Variants in STK31 observed in about 807,000 individuals in gnomAD.
The protein encoded by STK31 is serine/threonine kinase 31.
Under a neutral mutation model 129.7 loss-of-function variants are expected in STK31, and 89 were observed. The ratio of observed to expected loss-of-function variants is 0.69; its 90% CI spans 0.58 to 0.82. The LOEUF (loss-of-function observed/expected upper bound fraction) is 0.82. Ranked by LOEUF, STK31 falls within the 40% of genes least tolerant of loss-of-function variation. The pLI is 0.00. For missense variants in STK31, 1,187 were observed against 1,176.4 expected (o/e 1.01, Z -0.13); for synonymous variants, 448 against 395.3 (o/e 1.13, Z -1.58).
At chr7:23,756,932 G>T (rs1789123065) in intron 10 of STK31, among the ~76,000 whole-genome samples, 1 of 152,170 alleles carries the variant, frequency 6.6e-6, no homozygotes, top group Non-Finnish European at 1.5e-5. Context: ...GTTCATCAGG[G>T]ATATTGGCCT....
chr7:23,815,011 G>GT (rs1793384018), intron 22 of STK31, 133 bp from the exon 23 acceptor site: 1 of 598,278 alleles, frequency 1.7e-6, no homozygotes, highest in Non-Finnish European at 2.8e-6. Flanking sequence ...CTTTTACCCT[G>GT]TAAGAGAGTT....
Position 23,790,937 on chromosome 7 carries a change from C to G in STK31, c.2751C>G (p.Leu917=), listed in dbSNP as rs921124128. Residue 917 remains leucine (L), a synonymous_variant, in exon 22 of 24, where the codon CTC becomes CTG. Coordinates refer to ENST00000355870, the MANE Select transcript of STK31 (RefSeq NM_031414.5). ...PGSDLYAYGC[L]LLWLSVQNQE... is the part of the protein sequence containing the mutation. ...CAGACTTATATGCTTATGGCTGCCTCTTATTATGGGTATGTTATTTTTTTG... is the reference window on the plus strand; with the variant it reads ...CAGACTTATATGCTTATGGCTGCCTGTTATTATGGGTATGTTATTTTTTTG... The G allele has an allele frequency of 1.9e-6, 3 of 1,567,444 alleles. No individual in the cohort carries two copies. The highest frequency in any genetic ancestry group is 2.7e-5 in the African/African-American group (2 of 72,772).
intron 4 of STK31, among the ~76,000 whole-genome samples, chr7:23,723,499 C>T (rs887630862): frequency 3.9e-5 from 6 of 152,142 alleles, no homozygotes; most frequent in Admixed American, 3.3e-4. Context: ...AGACATACTC[C>T]TTTTCTTCTA....
chr7:23,738,011 A>G (rs1401779685), intron 8 of STK31, among the ~76,000 whole-genome samples: 1 of 152,120 alleles, frequency 6.6e-6, no homozygotes, highest in Admixed American at 6.5e-5. Context: ...TACTTAGCAT[A>G]TACCCTACAA....
chr7:23,714,101 T>C (rs944785527), intron 3 of STK31, among the ~76,000 whole-genome samples: 1 of 152,148 alleles, frequency 6.6e-6, no homozygotes, highest in Non-Finnish European at 1.5e-5. Flanking sequence ...ACTACTGTAG[T>C]GTGTGTGGTT....
chr7:23,734,755 A>G (rs959916578), intron 6 of STK31, among the ~76,000 whole-genome samples: 3 of 152,160 alleles, frequency 2.0e-5, no homozygotes, highest in African/African-American at 7.2e-5. Flanking sequence ...ACTTGAGGTT[A>G]GGAGTTTGAG....
chr7:23,712,342 C>A (rs972968157), intron 3 of STK31, 56 bp downstream of exon 3: 3 of 1,513,210 alleles, frequency 2.0e-6, no homozygotes, highest in South Asian at 1.2e-5. Context: ...AGTTCCTCCC[C>A]AACAAAAACA....
intron 6 of STK31, 22 bp from the exon 7 acceptor site, chr7:23,735,516 T>C (rs1562558584): frequency 5.8e-6 from 9 of 1,551,710 alleles, no homozygotes; most frequent in Non-Finnish European, 7.8e-6. Context: ...GTGTAGCTGG[T>C]TTATGTTTTC....
intron 4 of STK31, among the ~76,000 whole-genome samples, chr7:23,723,500 T>C (rs556689236): frequency 7.2e-5 from 11 of 152,318 alleles, no homozygotes; most frequent in East Asian, 1.9e-4. Flanking sequence ...GACATACTCC[T>C]TTTCTTCTAT....
intron 4 of STK31, among the ~76,000 whole-genome samples, chr7:23,727,019 T>C (rs1787129231): frequency 6.6e-6 from 1 of 152,198 alleles, no homozygotes; most frequent in African/African-American, 2.4e-5. Context: ...TAATGAACTC[T>C]GAAGTCAGAA....
At chr7:23,724,174 G>C (rs1377681900) in intron 4 of STK31, among the ~76,000 whole-genome samples, 2 of 152,186 alleles carry the variant, frequency 1.3e-5, no homozygotes, top group Non-Finnish European at 2.9e-5. Flanking sequence ...TGCTATGCCG[G>C]ACAGGAACTC....
Position 23,762,794 on chromosome 7 carries a change from C to T in STK31, c.1294-7C>T, listed in dbSNP as rs1327627717. The T allele has an allele frequency of 6.2e-7, 1 of 1,605,756 alleles. No individual in the cohort carries two copies. Among genetic ancestry groups the T allele is most frequent in the South Asian group, 1.1e-5 (1 of 88,720 alleles). On this transcript the variant is annotated splice_region_variant and splice_polypyrimidine_tract_variant and intron_variant, in intron 10 of 23. Coordinates refer to ENST00000355870, the MANE Select transcript of STK31 (RefSeq NM_031414.5). Reference sequence around the variant, plus strand: ...TAATGATGGTTATTCTTTTTTTCTTCCTCCAGAGTGAAGGGAATATTTTGA... The same window carrying T: ...TAATGATGGTTATTCTTTTTTTCTTTCTCCAGAGTGAAGGGAATATTTTGA...
At chr7:23,791,553 C>G (rs1156414421) in intron 22 of STK31, among the ~76,000 whole-genome samples, 1 of 152,104 alleles carries the variant, frequency 6.6e-6, no homozygotes, top group African/African-American at 2.4e-5. Context: ...ATCTGTACAC[C>G]AAACTCCCAT....
At chr7:23,748,069 T>C (rs1219096233) in intron 8 of STK31, among the ~76,000 whole-genome samples, 2 of 152,228 alleles carry the variant, frequency 1.3e-5, no homozygotes, top group East Asian at 3.8e-4. Context: ...TCTTTTCACT[T>C]CTAATATATA....
chr7:23,739,338 ATTTAT>A (rs1787917669), intron 8 of STK31, among the ~76,000 whole-genome samples: 1 of 152,096 alleles, frequency 6.6e-6, no homozygotes, highest in Non-Finnish European at 1.5e-5. Context: ...TTTCTTATAA[ATTTAT>A]TTTAAGTTCC....
At chr7:23,828,381 G>T (rs1794311483) in intron 23 of STK31, among the ~76,000 whole-genome samples, 1 of 152,226 alleles carries the variant, frequency 6.6e-6, no homozygotes, top group African/African-American at 2.4e-5. Context: ...TTGGGCGTAG[G>T]ACCTTCCGAG....
chr7:23,758,301 G>A (rs1288344634), intron 10 of STK31, among the ~76,000 whole-genome samples: 1 of 152,106 alleles, frequency 6.6e-6, no homozygotes, highest in Admixed American at 6.5e-5. Context: ...GTATTTTTGT[G>A]GGGTCAGTGG....
Position 23,735,734 on chromosome 7 carries a change from A to G in STK31, c.680A>G (p.Asp227Gly). 1 of 1,614,014 alleles carries G rather than the reference A, an allele frequency of 6.2e-7. No homozygotes were observed. The highest frequency in any genetic ancestry group is 1.1e-5 in the South Asian group (1 of 91,078). Residue 227 changes from aspartate (D) to glycine (G), a missense_variant, in exon 7 of 24, where the codon GAT becomes GGT. Physicochemically the swap from Asp to Gly is moderately conservative, Grantham distance 94. Around this residue, in one of 5 missense-constraint regions of STK31, gnomAD observed 975 missense variants for 934.9 expected, o/e 1.04. Transcript: ENST00000355870. ...RTDICEEKKL[D>G]PGQLVLRNLK... is the part of the protein sequence containing the mutation. Reference sequence around the variant, plus strand: ...GACATCTGTGAGGAAAAAAAATTGGATCCTGGTCAACTTGTTCTCAGGAAC... The same window carrying G: ...GACATCTGTGAGGAAAAAAAATTGGGTCCTGGTCAACTTGTTCTCAGGAAC...
Position 23,735,639 on chromosome 7 carries a change from C to T in STK31, c.585C>T (p.Gly195=). The change falls in exon 7 of 24, where the codon GGC becomes GGT. Residue 195 remains glycine (G), a synonymous_variant. Coordinates refer to ENST00000355870, the MANE Select transcript of STK31 (RefSeq NM_031414.5). ...CAGTTATTGCTCAGGCTGAGTATGG[C>T]AGTGTGGATATAGGGGAAGAGGTGC... ...DGTVIAQAEY[G]SVDIGEEVLK... is the part of the protein sequence containing the mutation. 1 of 1,613,968 alleles carries T rather than the reference C, an allele frequency of 6.2e-7. No homozygotes were observed. Among genetic ancestry groups the T allele is most frequent in the South Asian group, 1.1e-5 (1 of 91,076 alleles).
Sources: gnomAD v4.1 joint callset for allele counts (sites outside exome capture counted in the v4.1 genomes callset) on GRCh38, gnomAD v4.1.1 for gene constraint, gnomAD v4.1.1 regional missense constraint, MANE v1.5 for transcripts, NCBI Gene and HGNC (gene_info 2026-07-23, HGNC 2026-07-21) for gene names.